Variants in PDE10A observed in about 807,000 individuals in gnomAD.
PDE10A encodes phosphodiesterase 10A.
PDE10A carries 39 observed loss-of-function variants against 97.7 expected under a neutral mutation model. That is an observed-to-expected ratio of 0.40 (90% CI 0.31 to 0.52). PDE10A has a LOEUF of 0.52. PDE10A is among the 20% of genes least tolerant of loss of function. The pLI is 0.56. For missense variants in PDE10A, 731 were observed against 1,047.8 expected, an observed-to-expected ratio of 0.70 and a Z score of 4.17; for synonymous variants, 371 against 376.8, an observed-to-expected ratio of 0.98 and a Z score of 0.18.
chr6:165,592,224 A>G (rs1786318562), intron 1 of PDE10A, among the ~76,000 whole-genome samples: 1 of 151,528 alleles, frequency 6.6e-6, no homozygotes, highest in South Asian at 2.1e-4. Context: ...TCCTTATTTA[A>G]TAAATGGTGT....
intron 3 of PDE10A, among the ~76,000 whole-genome samples, chr6:165,463,252 G>C (rs1189584059): frequency 6.6e-6 from 1 of 152,162 alleles, no homozygotes; most frequent in Non-Finnish European, 1.5e-5. Flanking sequence ...AACCTCAAAT[G>C]ATATGGCTCA....
intron 1 of PDE10A, among the ~76,000 whole-genome samples, chr6:165,882,869 A>G (rs2461719): frequency 0.77 from 116,770 of 151,820 alleles, 45,134 homozygotes; most frequent in East Asian, 0.96. Flanking sequence ...TTGGTTTATC[A>G]CGTCCCTGTT....
intron 1 of PDE10A, among the ~76,000 whole-genome samples, chr6:165,705,202 C>T (rs1791677670): frequency 6.6e-6 from 1 of 152,252 alleles, no homozygotes; most frequent in South Asian, 2.1e-4. Flanking sequence ...GTCTCTACTC[C>T]TGAGACAGGT....
At chr6:165,424,757 T>C (rs1468978524) in intron 10 of PDE10A, among the ~76,000 whole-genome samples, 2 of 152,150 alleles carry the variant, frequency 1.3e-5, no homozygotes, top group Admixed American at 1.3e-4. Context: ...TACAATTAAA[T>C]AGCCTTTATA....
At chr6:165,444,293 G>C (rs1200560555) in intron 5 of PDE10A, among the ~76,000 whole-genome samples, 1 of 152,134 alleles carries the variant, frequency 6.6e-6, no homozygotes, top group Non-Finnish European at 1.5e-5. Flanking sequence ...GGAATCCCAT[G>C]AAGAATTCTT....
chr6:165,861,820 C>T (rs1038430148), intron 1 of PDE10A, among the ~76,000 whole-genome samples: 1 of 152,198 alleles, frequency 6.6e-6, no homozygotes, highest in African/African-American at 2.4e-5. Flanking sequence ...CAAGAGCCTC[C>T]TCTCTGGATG....
intron 3 of PDE10A, among the ~76,000 whole-genome samples, chr6:165,464,745 G>A (rs1025592872): frequency 2.0e-5 from 3 of 152,128 alleles, no homozygotes; most frequent in African/African-American, 7.2e-5. Context: ...ATTTGTAAAT[G>A]GAATCATACA....
intron 1 of PDE10A, among the ~76,000 whole-genome samples, chr6:165,758,409 C>T (rs1187733027): frequency 1.3e-5 from 2 of 151,494 alleles, no homozygotes; most frequent in South Asian, 4.2e-4. Flanking sequence ...TGCAGTGAGC[C>T]GAGATTGTGT....
chr6:165,646,728 C>T (rs938803067), intron 1 of PDE10A, among the ~76,000 whole-genome samples: 1 of 152,138 alleles, frequency 6.6e-6, no homozygotes, highest in African/African-American at 2.4e-5. Flanking sequence ...AACACAGTTC[C>T]GGGATGAGAA....
intron 1 of PDE10A, among the ~76,000 whole-genome samples, chr6:165,563,279 G>A (rs1449238900): frequency 6.6e-6 from 1 of 151,460 alleles, no homozygotes; most frequent in Admixed American, 6.6e-5. Flanking sequence ...GGGAAGGAAG[G>A]AAGGAAGGAT....
intron 21 of PDE10A, 121 bp from the exon 22 acceptor site, chr6:165,333,248 C>G: frequency 1.5e-6 from 1 of 663,552 alleles, no homozygotes. Context: ...TGGGGCCCTC[C>G]GACATGGTTA....
intron 11 of PDE10A, among the ~76,000 whole-genome samples, chr6:165,416,852 T>C (rs796537264): frequency 1.3e-5 from 2 of 152,370 alleles, no homozygotes; most frequent in African/African-American, 4.8e-5. Flanking sequence ...CAACTTCTAG[T>C]ATTTTTACCT....
chr6:165,639,757 A>G (rs74941674), intron 1 of PDE10A, among the ~76,000 whole-genome samples: 127 of 148,432 alleles, frequency 8.6e-4, no homozygotes, highest in South Asian at 3.5e-3. Flanking sequence ...AAAAAAAAAA[A>G]AGAGAGAGAG....
At chr6:165,986,985 A>T (rs1785242618) in intron 1 of PDE10A, among the ~76,000 whole-genome samples, 1 of 151,286 alleles carries the variant, frequency 6.6e-6, no homozygotes, top group Admixed American at 6.6e-5. Context: ...GTGGGGGGAG[A>T]GAAGAGAGTG....
intron 13 of PDE10A, among the ~76,000 whole-genome samples, chr6:165,411,952 A>G (rs1787880835): frequency 6.6e-6 from 1 of 152,162 alleles, no homozygotes; most frequent in Admixed American, 6.5e-5. Context: ...AGTTTCATTT[A>G]ACAGTAAGAA....
intron 2 of PDE10A, among the ~76,000 whole-genome samples, chr6:165,517,291 A>T (rs902314854): frequency 6.6e-6 from 1 of 152,170 alleles, no homozygotes; most frequent in Admixed American, 6.6e-5. Flanking sequence ...TACAAGTCTT[A>T]AATAGACTCA....
intron 1 of PDE10A, among the ~76,000 whole-genome samples, chr6:165,569,590 C>T (rs1031516513): frequency 6.6e-6 from 1 of 152,188 alleles, no homozygotes; most frequent in African/African-American, 2.4e-5. Context: ...CTGTGACAGT[C>T]TTCCCTCCGT....
At chr6:165,441,713 G>T (rs1464867600) in intron 5 of PDE10A, among the ~76,000 whole-genome samples, 1 of 152,152 alleles carries the variant, frequency 6.6e-6, no homozygotes, top group Non-Finnish European at 1.5e-5. Flanking sequence ...AACAATGCGG[G>T]TACAGGAGCC....
intron 1 of PDE10A, among the ~76,000 whole-genome samples, chr6:165,805,029 G>C (rs1583116807): frequency 6.6e-6 from 1 of 150,664 alleles, no homozygotes; most frequent in Non-Finnish European, 1.5e-5. Flanking sequence ...CTGGGCGTGG[G>C]GCGAGCACAG....
Sources: gnomAD v4.1 joint callset for allele counts (sites outside exome capture counted in the v4.1 genomes callset) on GRCh38, gnomAD v4.1.1 for gene constraint, MANE v1.5 for transcripts, NCBI Gene and HGNC (gene_info 2026-07-23, HGNC 2026-07-21) for gene names.